The following ARHGAP35 variants were observed in gnomAD, a reference collection of about 807,000 sequenced individuals.
The protein encoded by ARHGAP35 is rho GTPase-activating protein 35.
Under a neutral mutation model 111.1 loss-of-function variants are expected in ARHGAP35, and 15 were observed. The observed-to-expected ratio is 0.13, with a 90% CI of 0.09 to 0.21. The LOEUF (loss-of-function observed/expected upper bound fraction) is 0.21, where lower values mean the gene tolerates loss of function less well. Among genes scored for constraint, ARHGAP35 ranks in the 10% least tolerant of loss-of-function variants. The pLI is 1.00. For synonymous variants in ARHGAP35, 643 were observed against 710.3 expected (o/e 0.91, Z 1.51); for missense variants, 1,262 against 1,873.0 (o/e 0.67, Z 6.02).
chr19:46,895,096 T>C (rs1299074070), intron 1 of ARHGAP35, among the ~76,000 whole-genome samples: 1 of 152,152 alleles, frequency 6.6e-6, no homozygotes. Context: ...AGGTATACTT[T>C]CTGTGTAAAT....
intron 3 of ARHGAP35, among the ~76,000 whole-genome samples, chr19:46,954,150 C>A (rs1307657039): frequency 1.3e-5 from 2 of 152,280 alleles, no homozygotes; most frequent in African/African-American, 4.8e-5. Flanking sequence ...AATAGGCTGG[C>A]CCCTCGATCT....
chr19:46,937,791 CTA>C (rs2056318209), intron 3 of ARHGAP35, among the ~76,000 whole-genome samples: 1 of 152,180 alleles, frequency 6.6e-6, no homozygotes, highest in Non-Finnish European at 1.5e-5. Context: ...GTCCTCAGTA[CTA>C]TAGTGGATAC....
intron 1 of ARHGAP35, among the ~76,000 whole-genome samples, chr19:46,876,260 G>A (rs955900432): frequency 1.3e-5 from 2 of 151,426 alleles, no homozygotes; most frequent in African/African-American, 2.4e-5. Context: ...GAGTACAGTG[G>A]CATGATCACA....
chr19:46,978,688 T>TGTGTGTGTGGTGGGATAC (rs2056596922), intron 3 of ARHGAP35, among the ~76,000 whole-genome samples: 1 of 87,432 alleles, frequency 1.1e-5, no homozygotes, highest in African/African-American at 4.7e-5. Context: ...TGTGGTGGGA[T>TGTGTGTGTGGTGGGATAC]GTGTGTGTGG....
At position 46,972,537 on chromosome 19, in the gene ARHGAP35, C is replaced by A. The variant is rs141890584; in HGVS notation, c.3827-15452C>A. 1.9e-3 allele frequency among the ~76,000 whole-genome samples: 295 copies of A among 152,292 alleles called. 2 individuals carry two copies. The highest frequency in any genetic ancestry group is 6.7e-3 in the African/African-American group (279 of 41,548). On this transcript the variant is annotated intron_variant, in intron 3 of 6. Coordinates refer to ENST00000672722, the MANE Select transcript of ARHGAP35 (RefSeq NM_004491.5). ...GGCGCACAGCCTTTCGTGAGAGGTA[C>A]GAAAGCAGTGTCTGCGGGCAGCATG...
In ARHGAP35 at chr19:46,934,818, C is replaced by T. The variant is rs189919198; in HGVS notation, c.3682-2446C>T. ...CCAGGTATCTGGGACTATAGGTGTG[C>T]GCTACCACGCCCAGCTAATTGTTTT... On this transcript the variant is annotated intron_variant, in intron 2 of 6. Transcript: ENST00000672722. 1.9e-4 allele frequency among the ~76,000 whole-genome samples: 29 copies of T among 152,106 alleles called. No homozygotes were observed. The East Asian group carries it at 5.2e-3, about 27-fold the overall frequency.
chr19:46,992,847 G>A lies in ARHGAP35; in HGVS notation c.4036+3172G>A, dbSNP rs2056686450. ...TTTCCATTTGACAGATGAGACTGTT[G>A]GGGCTAGAGATAACAGTGCAGCCTA... On this transcript the variant is annotated intron_variant, in intron 5 of 6. Coordinates refer to ENST00000672722, the MANE Select transcript of ARHGAP35 (RefSeq NM_004491.5). The surrounding 1 kb of genome is among the most constrained non-coding windows in gnomAD (Gnocchi z 4.4). 6.6e-6 allele frequency among the ~76,000 whole-genome samples: 1 copy of A among 152,192 alleles called. No individual in the cohort carries two copies. Among genetic ancestry groups the A allele is most frequent in the Non-Finnish European group, 1.5e-5 (1 of 68,032 alleles).
intron 1 of ARHGAP35, among the ~76,000 whole-genome samples, chr19:46,910,116 A>G (rs954563407): frequency 2.0e-5 from 3 of 151,930 alleles, no homozygotes; most frequent in East Asian, 1.9e-4. Flanking sequence ...GGGGTAAAAG[A>G]TTATTATTAT....
intron 1 of ARHGAP35, among the ~76,000 whole-genome samples, chr19:46,882,547 A>G (rs1294341413): frequency 1.3e-5 from 2 of 152,144 alleles, no homozygotes; most frequent in African/African-American, 4.8e-5. Flanking sequence ...GATTTGTTAT[A>G]TAGGTATACA....
At chr19:46,972,391 G>A (rs993895490) in intron 3 of ARHGAP35, among the ~76,000 whole-genome samples, 2 of 152,220 alleles carry the variant, frequency 1.3e-5, no homozygotes, top group Admixed American at 1.3e-4. Flanking sequence ...TTGTCCTGAT[G>A]GGACACAGCA....
Position 46,945,176 on chromosome 19 carries a change from G to C in ARHGAP35, c.3826+7768G>C, listed in dbSNP as rs2056371990. 6.6e-6 allele frequency among the ~76,000 whole-genome samples: 1 copy of C among 151,902 alleles called. No homozygotes were observed. Among genetic ancestry groups the C allele is most frequent in the Admixed American group, 6.6e-5 (1 of 15,250 alleles). ...GAGTGGGAAGGAGGCGGGGTTGAGG[G>C]GGAGCTTAGGAGGCGGGGTTGAGGG... On this transcript the variant is annotated intron_variant, in intron 3 of 6. Coordinates refer to ENST00000672722, the MANE Select transcript of ARHGAP35 (RefSeq NM_004491.5). The surrounding 1 kb of genome is among the most constrained non-coding windows in gnomAD (Gnocchi z 4.1).
At chr19:46,863,667 T>TC (rs1309657759) in intron 1 of ARHGAP35, among the ~76,000 whole-genome samples, 3 of 131,566 alleles carry the variant, frequency 2.3e-5, no homozygotes, top group South Asian at 2.5e-4. Context: ...CCTTCGCCCC[T>TC]CCCCCCCAGC....
intron 5 of ARHGAP35, among the ~76,000 whole-genome samples, chr19:46,998,017 G>A (rs573333484): frequency 9.2e-4 from 140 of 152,166 alleles, no homozygotes; most frequent in Admixed American, 1.5e-3. Flanking sequence ...CAGGAGAATG[G>A]TGTGAACTCA....
intron 1 of ARHGAP35, among the ~76,000 whole-genome samples, chr19:46,894,109 ATC>A (rs1219209219): frequency 6.6e-6 from 1 of 152,120 alleles, no homozygotes; most frequent in Non-Finnish European, 1.5e-5. Flanking sequence ...CCTTAGAATT[ATC>A]TCCAGTATCC....
At chr19:46,878,214 G>T (rs147989303) in intron 1 of ARHGAP35, among the ~76,000 whole-genome samples, 161 of 152,072 alleles carry the variant, frequency 1.1e-3, no homozygotes, top group Non-Finnish European at 2.0e-3. Flanking sequence ...GTAAAAACGG[G>T]ATTTCTCCAC....
chr19:46,976,602 G>A (rs897498321), intron 3 of ARHGAP35, among the ~76,000 whole-genome samples: 4 of 152,354 alleles, frequency 2.6e-5, no homozygotes, highest in South Asian at 2.1e-4. Flanking sequence ...GGCTGCACTC[G>A]CCTTCTCCAT....
chr19:46,946,073 C>T (rs1464100485), intron 3 of ARHGAP35, among the ~76,000 whole-genome samples: 1 of 152,212 alleles, frequency 6.6e-6, no homozygotes, highest in Non-Finnish European at 1.5e-5. Context: ...TGCCAGGACA[C>T]AGTTTTGTTA....
intron 1 of ARHGAP35, among the ~76,000 whole-genome samples, chr19:46,900,380 C>T (rs942304630): frequency 1.3e-5 from 2 of 152,120 alleles, no homozygotes; most frequent in East Asian, 3.9e-4. Flanking sequence ...GCCACCACAC[C>T]TGGGTAATTT....
chr19:46,957,236 C>G (rs1479802507), intron 3 of ARHGAP35, among the ~76,000 whole-genome samples: 1 of 151,868 alleles, frequency 6.6e-6, no homozygotes, highest in African/African-American at 2.4e-5. Context: ...GCTGGGATTA[C>G]AGGCGTGAGC....
Sources: gnomAD v4.1 joint callset for allele counts (sites outside exome capture counted in the v4.1 genomes callset) on GRCh38, gnomAD v4.1.1 for gene constraint, Gnocchi (gnomAD v3.1) non-coding constraint, MANE v1.5 for transcripts, NCBI Gene and HGNC (gene_info 2026-07-23, HGNC 2026-07-21) for gene names.